Variants in ADGRL3 observed in about 807,000 individuals in gnomAD.
The protein encoded by ADGRL3 is calcium-independent alpha-latrotoxin receptor 3.
Under a neutral mutation model 153.5 loss-of-function variants are expected in ADGRL3, and 62 were observed. The observed-to-expected ratio is 0.40, with a 90% CI of 0.33 to 0.50. The LOEUF is 0.50. ADGRL3 is among the 20% of genes least tolerant of loss of function. ADGRL3 has a pLI of 0.47. For missense variants in ADGRL3, 1,641 were observed against 1,859.4 expected (o/e 0.88, Z 2.16); for synonymous variants, 710 against 672.5 (o/e 1.06, Z -0.86).
chr4:61,206,060 T>G (rs1737025430), intron 1 of ADGRL3, among the ~76,000 whole-genome samples: 1 of 152,188 alleles, frequency 6.6e-6, no homozygotes, highest in Non-Finnish European at 1.5e-5. Context: ...TTGAACTTCT[T>G]TATTTATTTT....
chr4:61,427,351 CCT>C (rs1461689656), intron 2 of ADGRL3: 2 of 152,828 alleles, frequency 1.3e-5, no homozygotes, highest in Non-Finnish European at 2.9e-5. Context: ...TCGCCTCGCC[CCT>C]GTGTTAACCG....
chr4:61,341,460 A>G (rs977338040), intron 1 of ADGRL3, among the ~76,000 whole-genome samples: 1 of 151,484 alleles, frequency 6.6e-6, no homozygotes, highest in African/African-American at 2.4e-5. Flanking sequence ...GATTTATCAT[A>G]TATTTTTCTA....
At chr4:61,462,293 C>T (rs1222663437) in intron 2 of ADGRL3, among the ~76,000 whole-genome samples, 1 of 152,178 alleles carries the variant, frequency 6.6e-6, no homozygotes, top group East Asian at 1.9e-4. Context: ...AAGATCAAAT[C>T]TTGTCTTTTA....
At chr4:61,293,603 C>T (rs1037473468) in intron 1 of ADGRL3, among the ~76,000 whole-genome samples, 1 of 152,136 alleles carries the variant, frequency 6.6e-6, no homozygotes, top group African/African-American at 2.4e-5. Flanking sequence ...TTCCATGTCA[C>T]AGCTGCCTTT....
At chr4:61,653,300 G>T (rs1416189535) in intron 5 of ADGRL3, among the ~76,000 whole-genome samples, 1 of 152,044 alleles carries the variant, frequency 6.6e-6, no homozygotes, top group African/African-American at 2.4e-5. Flanking sequence ...CTTGCACTGG[G>T]ACTTGTAGCT....
At chr4:61,917,059 G>A (rs899731274) in intron 13 of ADGRL3, among the ~76,000 whole-genome samples, 2 of 152,110 alleles carry the variant, frequency 1.3e-5, no homozygotes, top group South Asian at 2.1e-4. Flanking sequence ...CACAAACACC[G>A]TATGATATAA....
intron 9 of ADGRL3, among the ~76,000 whole-genome samples, chr4:61,885,260 G>A (rs897515693): frequency 1.3e-5 from 2 of 151,994 alleles, no homozygotes; most frequent in African/African-American, 2.4e-5. Context: ...CCCAGGAGGC[G>A]GAGGTTGTGA....
At chr4:61,735,051 A>G (rs918849783) in intron 8 of ADGRL3, among the ~76,000 whole-genome samples, 1 of 152,224 alleles carries the variant, frequency 6.6e-6, no homozygotes, top group African/African-American at 2.4e-5. Context: ...TAGTATATGC[A>G]TATCTTTTTA....
chr4:61,377,570 G>C (rs970902933), intron 1 of ADGRL3, among the ~76,000 whole-genome samples: 6 of 151,968 alleles, frequency 3.9e-5, no homozygotes, highest in African/African-American at 1.2e-4. Flanking sequence ...AAATGAAAAT[G>C]CTACCAGATA....
chr4:61,432,618 CTTTCTTTCTTTCTTTCTTTCTTTCTTTCT>C (rs2097376216), intron 2 of ADGRL3, among the ~76,000 whole-genome samples: 1 of 70,816 alleles, frequency 1.4e-5, no homozygotes, highest in Admixed American at 1.6e-4. Context: ...TTCTTTCTTT[CTTTCTTTCTTTCTTTCTTTCTTTCTTTCT>C]TTCTTTCTTT....
intron 13 of ADGRL3, among the ~76,000 whole-genome samples, chr4:61,929,116 C>T (rs2098806731): frequency 6.6e-6 from 1 of 151,990 alleles, no homozygotes; most frequent in African/African-American, 2.4e-5. Context: ...AAACTTACTC[C>T]CCGGTATAGT....
intron 4 of ADGRL3, among the ~76,000 whole-genome samples, chr4:61,551,832 T>A (rs1044984745): frequency 1.3e-5 from 2 of 152,144 alleles, no homozygotes; most frequent in Non-Finnish European, 2.9e-5. Context: ...GACAATAGTT[T>A]GCAATATTCT....
Position 62,028,857 on chromosome 4 carries a change from A to G in ADGRL3, c.3398A>G (p.Tyr1133Cys), listed in dbSNP as rs1471553825. The G allele has an allele frequency of 4.4e-6, 7 of 1,605,320 alleles. No individual in the cohort carries two copies. Among genetic ancestry groups the G allele is most frequent in the Admixed American group, 3.4e-5 (2 of 59,082 alleles). Residue 1133 changes from tyrosine (Y) to cysteine (C), a missense_variant and splice_region_variant, in exon 22 of 27, where the codon TAT becomes TGT. Tyr to Cys is a radical substitution (Grantham distance 194). Around this residue, in one of 5 missense-constraint regions of ADGRL3, gnomAD observed 517 missense variants for 555.0 expected, o/e 0.93. Coordinates refer to ENST00000683033, the MANE Select transcript of ADGRL3 (RefSeq NM_001387552.1). ...CTTTATGTCTATGCATTCTTTAGCT[A>G]TGAGGATAACAGACCCTTCATCAAG... ...PESGCLDNIN[Y>C]EDNRPFIKSW...
In ADGRL3 at chr4:62,066,037, T is replaced by C. The variant is rs186605218; in HGVS notation, c.3815-2129T>C. On this transcript the variant is annotated intron_variant, in intron 25 of 26. Coordinates refer to ENST00000683033, the MANE Select transcript of ADGRL3 (RefSeq NM_001387552.1). ...TAAAAAACCAAAGTAAATAACTTTA[T>C]TAATGTTTTCCAGAGTCAGAAGTTG... Among the ~76,000 whole-genome samples, 5 of 152,192 alleles carry C rather than the reference T, an allele frequency of 3.3e-5. No homozygotes were observed. The East Asian group carries it at 9.7e-4, about 29-fold the overall frequency.
intron 9 of ADGRL3, among the ~76,000 whole-genome samples, chr4:61,818,483 G>A (rs1471907167): frequency 6.6e-6 from 1 of 152,180 alleles, no homozygotes; most frequent in East Asian, 1.9e-4. Flanking sequence ...GTGGTCTGGA[G>A]GACAACACTG....
At chr4:61,377,362 G>C (rs2096616104) in intron 1 of ADGRL3, among the ~76,000 whole-genome samples, 1 of 151,904 alleles carries the variant, frequency 6.6e-6, no homozygotes, top group Non-Finnish European at 1.5e-5. Context: ...CAAAATTGTT[G>C]GGTAATATAT....
intron 1 of ADGRL3, among the ~76,000 whole-genome samples, chr4:61,294,203 G>A (rs1427476070): frequency 6.6e-6 from 1 of 152,126 alleles, no homozygotes; most frequent in African/African-American, 2.4e-5. Context: ...CTGCGATCAC[G>A]AGGGTAAACA....
intron 2 of ADGRL3, among the ~76,000 whole-genome samples, chr4:61,386,468 A>G (rs974466367): frequency 1.3e-5 from 2 of 152,294 alleles, no homozygotes; most frequent in East Asian, 3.9e-4. Context: ...GATTTGTAAT[A>G]AATTAACATC....
intron 1 of ADGRL3, among the ~76,000 whole-genome samples, chr4:61,342,368 A>C (rs1478814018): frequency 6.6e-6 from 1 of 152,202 alleles, no homozygotes; most frequent in Non-Finnish European, 1.5e-5. Context: ...ATAAACTACT[A>C]AATTATATAA....
Sources: gnomAD v4.1 joint callset for allele counts (sites outside exome capture counted in the v4.1 genomes callset) on GRCh38, gnomAD v4.1.1 for gene constraint, gnomAD v4.1.1 regional missense constraint, MANE v1.5 for transcripts, NCBI Gene and HGNC (gene_info 2026-07-23, HGNC 2026-07-21) for gene names.